Variants in LHFPL6 observed in about 807,000 individuals in gnomAD.
LHFPL6 encodes LHFPL tetraspan subfamily member 6 protein.
A neutral mutation model predicts 20.6 loss-of-function variants in LHFPL6; 9 were observed. The ratio of observed to expected loss-of-function variants is 0.44; its 90% CI spans 0.26 to 0.76. The LOEUF is 0.76. Ranked by LOEUF, LHFPL6 falls within the 30% of genes least tolerant of loss-of-function variation. LHFPL6 has a pLI of 0.20. For missense variants in LHFPL6, 218 were observed against 253.5 expected, an observed-to-expected ratio of 0.86 and a Z score of 0.95; for synonymous variants, 105 against 98.7, an observed-to-expected ratio of 1.06 and a Z score of -0.38.
chr13:39,435,027 C>T (rs939503545), intron 2 of LHFPL6, among the ~76,000 whole-genome samples: 2 of 120,792 alleles, frequency 1.7e-5, no homozygotes, highest in African/African-American at 6.4e-5. Context: ...CTGCAGTCCG[C>T]AGTCCGACCT....
At chr13:39,576,345 G>A (rs951440496) in intron 2 of LHFPL6, among the ~76,000 whole-genome samples, 1 of 152,188 alleles carries the variant, frequency 6.6e-6, no homozygotes, top group African/African-American at 2.4e-5. Context: ...AAGAAAACTG[G>A]TGGAGGCTGA....
At chr13:39,416,919 T>C (rs1270107044) in intron 2 of LHFPL6, among the ~76,000 whole-genome samples, 2 of 152,204 alleles carry the variant, frequency 1.3e-5, no homozygotes, top group African/African-American at 4.8e-5. Context: ...GAATAATGAA[T>C]ACATCTTGTA....
chr13:39,506,909 C>T (rs946231309), intron 2 of LHFPL6, among the ~76,000 whole-genome samples: 3 of 152,094 alleles, frequency 2.0e-5, no homozygotes, highest in African/African-American at 7.2e-5. Context: ...TGGCTTAGTG[C>T]TTTGAGTTTA....
intron 2 of LHFPL6, among the ~76,000 whole-genome samples, chr13:39,578,376 C>T (rs181647644): frequency 6.6e-6 from 1 of 152,250 alleles, no homozygotes; most frequent in East Asian, 1.9e-4. Flanking sequence ...AAAGTAGGAA[C>T]AGATATAAGA....
chr13:39,526,297 T>G, intron 2 of LHFPL6, among the ~76,000 whole-genome samples: 1 of 152,250 alleles, frequency 6.6e-6, no homozygotes, highest in African/African-American at 2.4e-5. Flanking sequence ...TAGGCATTGA[T>G]AGTAGACAGG....
At chr13:39,570,807 C>G (rs1351597734) in intron 2 of LHFPL6, among the ~76,000 whole-genome samples, 1 of 151,988 alleles carries the variant, frequency 6.6e-6, no homozygotes, top group Non-Finnish European at 1.5e-5. Flanking sequence ...ATGGGCATGC[C>G]ACGTGTGTGT....
At chr13:39,353,417 G>T (rs940913854) in intron 3 of LHFPL6, among the ~76,000 whole-genome samples, 2 of 152,102 alleles carry the variant, frequency 1.3e-5, no homozygotes, top group African/African-American at 4.8e-5. Flanking sequence ...TGTTTGTGGG[G>T]TGTGGTGCTT....
At chr13:39,555,545 T>G (rs187355936) in intron 2 of LHFPL6, among the ~76,000 whole-genome samples, 1 of 152,204 alleles carries the variant, frequency 6.6e-6, no homozygotes, top group East Asian at 1.9e-4. Context: ...AATGAATGGC[T>G]GAGGCTAACT....
chr13:39,352,897 A>G (rs1212453350), intron 3 of LHFPL6, among the ~76,000 whole-genome samples: 1 of 36,218 alleles, frequency 2.8e-5, no homozygotes, highest in East Asian at 1.6e-3. Flanking sequence ...ATATATGTGT[A>G]TATATATATA....
intron 2 of LHFPL6, among the ~76,000 whole-genome samples, chr13:39,480,193 A>G (rs892682536): frequency 2.0e-5 from 3 of 152,218 alleles, no homozygotes; most frequent in Non-Finnish European, 2.9e-5. Flanking sequence ...GAAAAGAACA[A>G]GAAGAAAACA....
At chr13:39,509,502 G>A (rs1566128124) in intron 2 of LHFPL6, among the ~76,000 whole-genome samples, 1 of 150,856 alleles carries the variant, frequency 6.6e-6, no homozygotes, top group Non-Finnish European at 1.5e-5. Flanking sequence ...ATGCGCTGAA[G>A]TTTTTTTTTG....
rs376871490 is a variant in LHFPL6 at position 39,598,928 on chromosome 13, A to G, written c.385+1904T>C. Among the ~76,000 whole-genome samples the G allele has an allele frequency of 8.1e-4, 124 of 152,280 alleles. 2 individuals carry two copies. In the East Asian group the frequency reaches 0.016, roughly 20 times the overall value. On this transcript the variant is annotated intron_variant, in intron 2 of 3. Coordinates refer to ENST00000379589, the MANE Select transcript of LHFPL6 (RefSeq NM_005780.3). ...TACCAAGCCAGAGTTCATGAAAAGT[A>G]CTCACAAAGAAAAAAACATGGTTCT...
chr13:39,451,151 C>A (rs1157306337), intron 2 of LHFPL6, among the ~76,000 whole-genome samples: 1 of 146,808 alleles, frequency 6.8e-6, no homozygotes, highest in Non-Finnish European at 1.5e-5. Flanking sequence ...GTTTTTCTCC[C>A]AGTCATGAGA....
intron 2 of LHFPL6, among the ~76,000 whole-genome samples, chr13:39,405,587 T>A (rs1375913979): frequency 6.6e-6 from 1 of 152,224 alleles, no homozygotes. Flanking sequence ...CTACCATTCC[T>A]ACATTCAGCA....
intron 3 of LHFPL6, among the ~76,000 whole-genome samples, chr13:39,345,772 G>A (rs1426307249): frequency 6.6e-6 from 1 of 152,138 alleles, no homozygotes; most frequent in Admixed American, 6.5e-5. Context: ...GTTTTGGCAA[G>A]GAAGTGTGAG....
In LHFPL6 at chr13:39,601,093, C is replaced by T. The variant is rs758566841; in HGVS notation, c.124G>A (p.Val42Met). ...CACCTCCGGAAGGTACCGAAGGACACAGGCTTGCCCAGCTGTGATCCCCAG... is the reference window on the plus strand; with the variant it reads ...CACCTCCGGAAGGTACCGAAGGACATAGGCTTGCCCAGCTGTGATCCCCAG... ...WLWGSQLGKP[V>M]SFGTFRRCSY... Residue 42 changes from valine to methionine, a missense_variant, in exon 2 of 4, where the codon GTG becomes ATG. Val to Met is a conservative substitution (Grantham distance 21). Transcript: ENST00000379589. 6.2e-7 allele frequency: 1 copy of T among 1,614,240 alleles called. No individual in the cohort carries two copies. Among genetic ancestry groups the T allele is most frequent in the South Asian group, 1.1e-5 (1 of 91,088 alleles).
intron 2 of LHFPL6, among the ~76,000 whole-genome samples, chr13:39,502,847 T>C (rs1851794145): frequency 6.6e-6 from 1 of 152,208 alleles, no homozygotes; most frequent in African/African-American, 2.4e-5. Flanking sequence ...TTTTCCAGAG[T>C]AATAAATACA....
At chr13:39,347,800 G>A (rs1318448931) in intron 3 of LHFPL6, among the ~76,000 whole-genome samples, 1 of 152,176 alleles carries the variant, frequency 6.6e-6, no homozygotes. Context: ...ATGGCCAATC[G>A]TGTAGAACAT....
At chr13:39,383,535 T>C (rs1404948492) in intron 2 of LHFPL6, among the ~76,000 whole-genome samples, 1 of 152,240 alleles carries the variant, frequency 6.6e-6, no homozygotes, top group Non-Finnish European at 1.5e-5. Flanking sequence ...AATTAGACCA[T>C]TTCCATAACT....
Sources: allele counts gnomAD v4.1 joint callset (sites outside exome capture counted in the v4.1 genomes callset), GRCh38; gene constraint gnomAD v4.1.1; transcripts MANE v1.5; gene names NCBI Gene and HGNC (gene_info 2026-07-23, HGNC 2026-07-21).